The following LRIF1 variants were observed in gnomAD, a reference collection of about 807,000 sequenced individuals.
The protein encoded by LRIF1 is ligand dependent nuclear receptor interacting factor 1.
In LRIF1, 32 loss-of-function variants were observed where a neutral mutation model predicts 52.7. The ratio of observed to expected loss-of-function variants is 0.61; its 90% CI spans 0.46 to 0.82. The LOEUF is 0.82. Ranked by LOEUF, LRIF1 falls within the 40% of genes least tolerant of loss-of-function variation. The probability of loss-of-function intolerance (pLI) is 0.00; values close to 1 mark genes in which losing one functional copy is unlikely to be tolerated. For synonymous variants in LRIF1, 323 were observed against 317.4 expected (o/e 1.02, Z -0.19); for missense variants, 887 against 892.0 (o/e 0.99, Z 0.07).
chr1:110,892,555 G>T, the LRIF1 span: 1 of 1,591,624 alleles, frequency 6.3e-7, no homozygotes, highest in Non-Finnish European at 8.6e-7. Context: ...CAGCAGATGT[G>T]GTGCCCCAAG....
the LRIF1 span, among the ~76,000 whole-genome samples, chr1:110,879,941 T>C: frequency 6.6e-6 from 1 of 152,138 alleles, no homozygotes; most frequent in South Asian, 2.1e-4. Flanking sequence ...GTAGATTACA[T>C]GGTGCTGTTA....
chr1:110,896,768 CTT>C, the LRIF1 span: 1 of 1,568,728 alleles, frequency 6.4e-7, no homozygotes, highest in Admixed American at 1.7e-5. Flanking sequence ...TTATTGACCT[CTT>C]TGTTTAAATG....
chr1:110,875,046 C>T, the LRIF1 span, among the ~76,000 whole-genome samples: 1 of 152,178 alleles, frequency 6.6e-6, no homozygotes, highest in Non-Finnish European at 1.5e-5. Context: ...AGATGGAGAA[C>T]GTGCACAAAC....
chr1:110,928,333 G>A, the LRIF1 span, among the ~76,000 whole-genome samples: 2 of 152,174 alleles, frequency 1.3e-5, no homozygotes, highest in Non-Finnish European at 2.9e-5. Context: ...GTGATCCAAT[G>A]ACGCATGAAA....
the LRIF1 span, chr1:110,939,976 C>T: frequency 2.6e-5 from 4 of 152,104 alleles, no homozygotes; most frequent in South Asian, 2.1e-4. Context: ...AAAGCAAAAA[C>T]GGACAAATGG....
chr1:110,908,508 T>G, the LRIF1 span, among the ~76,000 whole-genome samples: 1 of 152,140 alleles, frequency 6.6e-6, no homozygotes, highest in Non-Finnish European at 1.5e-5. Flanking sequence ...GTAAAATGGT[T>G]CAAGAGTTGA....
intron 2 of LRIF1, 79 bp from the exon 3 acceptor site, chr1:110,950,202 T>C: frequency 6.9e-7 from 1 of 1,444,398 alleles, no homozygotes; most frequent in Non-Finnish European, 9.3e-7. Context: ...AGTGATTATT[T>C]CATCTTACAT....
At chr1:110,938,196 C>G in the LRIF1 span, 1 of 152,132 alleles carries the variant, frequency 6.6e-6, no homozygotes. Context: ...GGAATACTTC[C>G]AAACTCATTC....
At chr1:110,897,785 A>C in the LRIF1 span, 1 of 1,433,894 alleles carries the variant, frequency 7.0e-7, no homozygotes, top group Non-Finnish European at 9.8e-7. Flanking sequence ...GAGTAGTATC[A>C]TTTGTAACTG....
Position 110,949,845 on chromosome 1 carries a change from A to T in LRIF1, c.1869+6T>A. The T allele has an allele frequency of 6.2e-7, 1 of 1,611,990 alleles. No individual in the cohort carries two copies. The highest frequency in any genetic ancestry group is 2.2e-5 in the East Asian group (1 of 44,822). ...TATGAAGAGCACATTAAAATGTATT[A>T]CCTACCTGTTTTCTCTCTCCTTCCT... On this transcript the variant is annotated splice_donor_region_variant and intron_variant, in intron 3 of 3. Transcript: ENST00000369763.
At chr1:110,918,821 AC>A in the LRIF1 span, among the ~76,000 whole-genome samples, 2 of 152,142 alleles carry the variant, frequency 1.3e-5, no homozygotes, top group Admixed American at 1.3e-4. Flanking sequence ...CACACATTAC[AC>A]TGGACACTAA....
At chr1:110,877,825 A>G in the LRIF1 span, among the ~76,000 whole-genome samples, 2 of 152,116 alleles carry the variant, frequency 1.3e-5, no homozygotes, top group Admixed American at 1.3e-4. Context: ...TTTTACCCCT[A>G]CTTCTTCCTC....
the LRIF1 span, among the ~76,000 whole-genome samples, chr1:110,911,262 C>T: frequency 2.6e-5 from 4 of 151,828 alleles, no homozygotes; most frequent in African/African-American, 9.7e-5. Flanking sequence ...TGGATGAATT[C>T]TTAGAAGCAT....
chr1:110,956,878 ATT>A (rs1658720481), intron 1 of LRIF1, among the ~76,000 whole-genome samples: 1 of 152,030 alleles, frequency 6.6e-6, no homozygotes, highest in Non-Finnish European at 1.5e-5. Context: ...TCTGCAGTCT[ATT>A]TTCTTTCCTA....
chr1:110,911,105 T>C, the LRIF1 span, among the ~76,000 whole-genome samples: 1 of 151,948 alleles, frequency 6.6e-6, no homozygotes, highest in Non-Finnish European at 1.5e-5. Flanking sequence ...TAGCTCACTA[T>C]AGATTAATAA....
the LRIF1 span, among the ~76,000 whole-genome samples, chr1:110,913,196 G>A: frequency 1.3e-5 from 2 of 152,110 alleles, no homozygotes; most frequent in Non-Finnish European, 2.9e-5. Flanking sequence ...ACTTAAATGT[G>A]AGACGTAAAA....
chr1:110,904,692 G>A, the LRIF1 span, among the ~76,000 whole-genome samples: 1 of 152,094 alleles, frequency 6.6e-6, no homozygotes, highest in Non-Finnish European at 1.5e-5. Flanking sequence ...CCCAGACAGT[G>A]AAGACAACAA....
chr1:110,895,121 G>A, the LRIF1 span: 1 of 1,176,438 alleles, frequency 8.5e-7, no homozygotes, highest in Non-Finnish European at 1.3e-6. Context: ...ATCCTTGGGG[G>A]CTAGTTCCTT....
chr1:110,960,264 T>G (rs1658894628), intron 1 of LRIF1, among the ~76,000 whole-genome samples: 1 of 152,166 alleles, frequency 6.6e-6, no homozygotes, highest in Non-Finnish European at 1.5e-5. Context: ...AAAATTCAAA[T>G]GTATAAACTA....
Sources: allele counts gnomAD v4.1 joint callset (sites outside exome capture counted in the v4.1 genomes callset), GRCh38; gene constraint gnomAD v4.1.1; transcripts MANE v1.5; gene names NCBI Gene and HGNC (gene_info 2026-07-23, HGNC 2026-07-21).